The following PPAT variants were observed in gnomAD, a reference collection of about 807,000 sequenced individuals.
PPAT encodes the protein phosphoribosyl pyrophosphate amidotransferase.
A neutral mutation model predicts 60.2 loss-of-function variants in PPAT; 20 were observed. The observed-to-expected ratio is 0.33, with a 90% CI of 0.23 to 0.48. PPAT has a LOEUF of 0.48. Ranked by LOEUF, PPAT falls within the 20% of genes least tolerant of loss-of-function variation. The pLI, the probability that PPAT is intolerant of heterozygous loss-of-function variation, is 0.99. For synonymous variants in PPAT, 194 were observed against 215.1 expected, an observed-to-expected ratio of 0.90 and a Z score of 0.86; for missense variants, 349 against 629.6, an observed-to-expected ratio of 0.55 and a Z score of 4.77.
intron 1 of PPAT, among the ~76,000 whole-genome samples, chr4:56,419,438 T>C (rs533208681): frequency 2.0e-5 from 3 of 152,302 alleles, no homozygotes; most frequent in South Asian, 2.1e-4. Context: ...GGCATAATAA[T>C]GGACAGATTT....
chr4:56,419,523 G>A, intron 1 of PPAT: 1 of 276,098 alleles, frequency 3.6e-6, no homozygotes, highest in Non-Finnish European at 5.5e-6. Flanking sequence ...TCCTATGGAG[G>A]AAACTGCTTT....
At chr4:56,433,496 A>T (rs1717716146) in intron 1 of PPAT, among the ~76,000 whole-genome samples, 1 of 138,484 alleles carries the variant, frequency 7.2e-6, no homozygotes, top group Non-Finnish European at 1.6e-5. Context: ...CATGTAAGTT[A>T]AAAAAAAAAA....
At chr4:56,403,460 C>T in intron 3 of PPAT, 59 bp from the exon 4 acceptor site, 1 of 1,269,808 alleles carries the variant, frequency 7.9e-7, no homozygotes, top group South Asian at 1.3e-5. Flanking sequence ...CCACCCCAAA[C>T]CCAGTAGCCA....
intron 3 of PPAT, chr4:56,403,987 C>G: frequency 2.3e-6 from 1 of 432,710 alleles, no homozygotes; most frequent in Non-Finnish European, 4.6e-6. Context: ...TACCACTCAC[C>G]TCCTGCTGTG....
At chr4:56,411,010 T>C (rs1407752737) in intron 1 of PPAT, 1 of 705,234 alleles carries the variant, frequency 1.4e-6, no homozygotes, top group African/African-American at 1.9e-5. Flanking sequence ...ATGATAAATA[T>C]AGACTGAAAT....
chr4:56,405,724 C>T (rs1402383941), intron 3 of PPAT, among the ~76,000 whole-genome samples: 2 of 152,256 alleles, frequency 1.3e-5, no homozygotes, highest in African/African-American at 2.4e-5. Flanking sequence ...TTCCCACATA[C>T]CCTGCCTTTT....
chr4:56,406,912 A>G (rs1175507865), intron 2 of PPAT, among the ~76,000 whole-genome samples: 1 of 152,242 alleles, frequency 6.6e-6, no homozygotes, highest in Non-Finnish European at 1.5e-5. Flanking sequence ...TACTGAGGCA[A>G]AAGTCACATA....
chr4:56,402,850 G>GAAAA lies in PPAT; in HGVS notation c.661+189_661+190insTTTT, dbSNP rs1177644230. On this transcript the variant is annotated intron_variant, in intron 5 of 10. Coordinates refer to ENST00000264220, the MANE Select transcript of PPAT (RefSeq NM_002703.5). ...AAAAAAAAAAAAAAAAAAAAAAAAG[G>GAAAA]GGGGGGACTCATCCTCAGGAGTACT... Among the ~76,000 whole-genome samples the GAAAA allele has an allele frequency of 2.6e-3, 105 of 41,118 alleles. 1 individual carries two copies. The highest frequency in any genetic ancestry group is 9.7e-3 in the African/African-American group (99 of 10,196). The allele number at this position is 41,118 out of a possible 152,430, so 27.0% of individuals were successfully genotyped here.
intron 1 of PPAT, chr4:56,428,989 A>G: frequency 1.0e-6 from 1 of 976,836 alleles, no homozygotes; most frequent in East Asian, 1.1e-4. Context: ...GCTTCAAGAG[A>G]AAAGCACATG....
At position 56,417,901 on chromosome 4, in the gene PPAT, T is replaced by A. The variant is rs1293312005; in HGVS notation, c.129-10185A>T. Among the ~76,000 whole-genome samples the A allele has an allele frequency of 1.8e-4, 27 of 149,254 alleles. No individual in the cohort carries two copies. The Admixed American group carries it at 1.8e-3, about 10-fold the overall frequency. ...CTGTTGCCAGGCTAGAGTGCAGTGG[T>A]GCAATCTCGGCTCACTGCAATCCTG... On this transcript the variant is annotated intron_variant, in intron 1 of 10. Coordinates refer to ENST00000264220, the MANE Select transcript of PPAT (RefSeq NM_002703.5).
At chr4:56,400,706 A>G in intron 8 of PPAT, 78 bp downstream of exon 8, 1 of 1,379,002 alleles carries the variant, frequency 7.3e-7, no homozygotes, top group South Asian at 1.6e-5. Flanking sequence ...AATGTTGATG[A>G]GTTTCTCTTT....
intron 1 of PPAT, among the ~76,000 whole-genome samples, chr4:56,434,716 C>T (rs557871632): frequency 4.1e-4 from 62 of 152,186 alleles, no homozygotes; most frequent in Non-Finnish European, 6.9e-4. Flanking sequence ...TGCACTGTTC[C>T]CTATGGTTGG....
chr4:56,418,549 G>C (rs1278997541), intron 1 of PPAT, among the ~76,000 whole-genome samples: 1 of 151,942 alleles, frequency 6.6e-6, no homozygotes, highest in East Asian at 1.9e-4. Context: ...CAACTCCTGA[G>C]CTCAGGCAAT....
chr4:56,419,952 G>A, intron 1 of PPAT: 2 of 983,894 alleles, frequency 2.0e-6, no homozygotes, highest in Non-Finnish European at 2.4e-6. Context: ...TGCTATTCTG[G>A]GACCCAATAA....
chr4:56,416,317 T>C (rs951605100), intron 1 of PPAT: 1 of 275,914 alleles, frequency 3.6e-6, no homozygotes, highest in African/African-American at 2.3e-5. Flanking sequence ...TTATCAGTCA[T>C]GTTGTTTCTA....
At chr4:56,431,488 A>T in intron 1 of PPAT, 1 of 978,342 alleles carries the variant, frequency 1.0e-6, no homozygotes, top group Non-Finnish European at 1.2e-6. Flanking sequence ...CTCAAAGCGT[A>T]ATAACAGAAC....
chr4:56,433,555 G>T (rs1192760271), intron 1 of PPAT, among the ~76,000 whole-genome samples: 2 of 151,278 alleles, frequency 1.3e-5, no homozygotes, highest in East Asian at 3.9e-4. Context: ...GAGAAAGGGG[G>T]ATGAAAATTT....
At chr4:56,407,143 G>A (rs13150137) in intron 2 of PPAT, among the ~76,000 whole-genome samples, 40,846 of 151,884 alleles carry the variant, frequency 0.27, 6,724 homozygotes, top group Non-Finnish European at 0.37. Context: ...TTGGTCTTAG[G>A]CAAAAAAGTA....
intron 1 of PPAT, among the ~76,000 whole-genome samples, chr4:56,433,397 T>TAAAAAAAA (rs34598008): frequency 1.7e-5 from 2 of 118,262 alleles, no homozygotes; most frequent in East Asian, 2.4e-4. Flanking sequence ...TGGTATTCAT[T>TAAAAAAAA]AAAAAAAAAA....
Sources: allele counts gnomAD v4.1 joint callset (sites outside exome capture counted in the v4.1 genomes callset), GRCh38; gene constraint gnomAD v4.1.1; transcripts MANE v1.5; gene names NCBI Gene and HGNC (gene_info 2026-07-23, HGNC 2026-07-21).